AOC3: variants seen among roughly 807,000 people sequenced by gnomAD.
AOC3 encodes amine oxidase copper containing 3.
AOC3 carries 47 observed loss-of-function variants against 55.4 expected under a neutral mutation model. The ratio of observed to expected loss-of-function variants is 0.85; its 90% CI spans 0.67 to 1.08. The LOEUF (loss-of-function observed/expected upper bound fraction) is 1.08. AOC3 is among the 50% of genes least tolerant of loss of function. AOC3 has a pLI of 0.00. For missense variants in AOC3, 853 were observed against 993.1 expected, an observed-to-expected ratio of 0.86 and a Z score of 1.90; for synonymous variants, 386 against 410.7, an observed-to-expected ratio of 0.94 and a Z score of 0.73.
rs1437315395 is a variant in AOC3 at position 42,854,671 on chromosome 17, C to G, written c.1824C>G (p.Leu608=). The G allele has an allele frequency of 4.6e-6, 7 of 1,528,992 alleles. No individual in the cohort carries two copies. The highest frequency in any genetic ancestry group is 5.3e-6 in the Non-Finnish European group (6 of 1,132,578). The allele number at this position is 1,528,992 out of a possible 1,614,324, so 94.7% of individuals were successfully genotyped here. ...CCCGGGGCTACCGCATCCAGATGCT[C>G]AGCTTTGCTGGAGAGCCGCTGCCCC... The part of the protein sequence containing the change: ...GHPRGYRIQM[L]SFAGEPLPQN... The change falls in exon 2 of 4, where the codon CTC becomes CTG. Residue 608 remains leucine (L), a synonymous_variant. Transcript: ENST00000308423.
At chr17:42,854,400 G>T (rs764162327) in intron 1 of AOC3, 48 bp from the exon 2 acceptor site, 1 of 1,443,132 alleles carries the variant, frequency 6.9e-7, no homozygotes. Flanking sequence ...AGTCCAGAGG[G>T]GCCAGGGCAG....
Position 42,851,329 on chromosome 17 carries a change from C to T in AOC3, c.-15C>T, listed in dbSNP as rs777165915. On this transcript the variant is annotated 5_prime_UTR_variant, in exon 1 of 4. Coordinates refer to ENST00000308423, the MANE Select transcript of AOC3 (RefSeq NM_003734.4). ...CTCTCCTTTGGTTGAATCAGCTGTC[C>T]CTCTTCGTGGGAAAATGAACCAGAA... 1 of 1,577,826 alleles carries T rather than the reference C, an allele frequency of 6.3e-7. No individual in the cohort carries two copies. Among genetic ancestry groups the T allele is most frequent in the Non-Finnish European group, 8.6e-7 (1 of 1,160,422 alleles).
chr17:42,856,528 A>G lies in AOC3; in HGVS notation c.2270A>G (p.His757Arg). 6.2e-7 allele frequency: 1 copy of G among 1,604,124 alleles called. No individual in the cohort carries two copies. Among genetic ancestry groups the G allele is most frequent in the Non-Finnish European group, 8.5e-7 (1 of 1,173,966 alleles). ...ACAPDLPAFS[H>R]GGFSHN ...GCCCCCGACCTCCCTGCCTTCTCCCACGGGGGCTTCTCTCACAACTAGGCG... is the reference window on the plus strand; with the variant it reads ...GCCCCCGACCTCCCTGCCTTCTCCCGCGGGGGCTTCTCTCACAACTAGGCG... The change falls in exon 4 of 4, where the codon CAC (histidine) becomes CGC (arginine). Residue 757 changes from histidine to arginine, a missense_variant. By Grantham distance (29) the His-to-Arg change is conservative. Coordinates refer to ENST00000308423, the MANE Select transcript of AOC3 (RefSeq NM_003734.4).
rs1044810100 is a variant in AOC3, at chr17:42,856,660, ACT to A, written c.*115_*116del. On this transcript the variant is annotated 3_prime_UTR_variant, in exon 4 of 4. Transcript: ENST00000308423. ...CTGGTTCCCTCTTTCCTGTGCCAGG[ACT>A]CTCTTTCTTCCACTACCCTCCCTCG... 8 of 1,321,362 alleles carry A rather than the reference ACT, an allele frequency of 6.1e-6. No individual in the cohort carries two copies. The highest frequency in any genetic ancestry group is 1.5e-5 in the African/African-American group (1 of 67,810). The allele number at this position is 1,321,362 out of a possible 1,614,324, so 81.9% of individuals were successfully genotyped here.
chr17:42,856,446 G>A lies in AOC3; in HGVS notation c.2188G>A (p.Asp730Asn), dbSNP rs751304401. 6.8e-6 allele frequency: 11 copies of A among 1,613,922 alleles called. No homozygotes were observed. The highest frequency in any genetic ancestry group is 6.8e-6 in the Non-Finnish European group (8 of 1,179,936). The change falls in exon 4 of 4, where the codon GAT becomes AAT. Residue 730 changes from aspartate (D) to asparagine (N), a missense_variant. Coordinates refer to ENST00000308423, the MANE Select transcript of AOC3 (RefSeq NM_003734.4). ...CTCCATCTACTTCCGAGGGGACCAGGATGCTGGGGCCTGCGAGGTCAACCC... is the reference window on the plus strand; with the variant it reads ...CTCCATCTACTTCCGAGGGGACCAGAATGCTGGGGCCTGCGAGGTCAACCC... ...ADSIYFRGDQDAGACEVNPLA... is the reference protein window; with the variant it reads ...ADSIYFRGDQNAGACEVNPLA...
Position 42,856,721 on chromosome 17 carries a change from G to C in AOC3, c.*171G>C. 1 of 741,042 alleles carries C rather than the reference G, an allele frequency of 1.3e-6. No homozygotes were observed. Among genetic ancestry groups the C allele is most frequent in the Non-Finnish European group, 2.2e-6 (1 of 463,644 alleles). 45.9% of individuals were successfully genotyped at this position (741,042 alleles called of 1,614,324 possible). ...TCTGAGCCAGGAGCCTCCTGACCCT[G>C]TGATGCCTGACACAGGGGACACTGA... On this transcript the variant is annotated 3_prime_UTR_variant, in exon 4 of 4. Coordinates refer to ENST00000308423, the MANE Select transcript of AOC3 (RefSeq NM_003734.4).
chr17:42,852,442 G>A lies in AOC3; in HGVS notation c.1099G>A (p.Glu367Lys). ...ERLVYEISLQ[E>K]ALAIYGGNSP... is the part of the protein sequence containing the mutation. Reference sequence around the variant, plus strand: ...ACTAGTTTATGAGATAAGCCTCCAAGAGGCCTTGGCCATCTATGGTGGAAA... The same window carrying A: ...ACTAGTTTATGAGATAAGCCTCCAAAAGGCCTTGGCCATCTATGGTGGAAA... The change falls in exon 1 of 4, where the codon GAG (glutamate) becomes AAG (lysine). Residue 367 changes from glutamate (E) to lysine (K), a missense_variant. By Grantham distance (56) the Glu-to-Lys change is moderately conservative (BLOSUM62 1). Transcript: ENST00000308423. 1 of 1,614,196 alleles carries A rather than the reference G, an allele frequency of 6.2e-7. No individual in the cohort carries two copies. The highest frequency in any genetic ancestry group is 1.6e-4 in the Middle Eastern group (1 of 6,062).
At chr17:42,855,019 G>A (rs1360495902) in intron 2 of AOC3, among the ~76,000 whole-genome samples, 5 of 152,106 alleles carry the variant, frequency 3.3e-5, no homozygotes, top group African/African-American at 1.2e-4. Context: ...GCTAATTTTT[G>A]TATTTTTAGT....
Position 42,852,627 on chromosome 17 carries a change from C to G in AOC3, c.1284C>G (p.Ala428=), listed in dbSNP as rs1443416303. The G allele has an allele frequency of 1.2e-6, 2 of 1,614,216 alleles. No homozygotes were observed. Among genetic ancestry groups the G allele is most frequent in the South Asian group, 2.2e-5 (2 of 91,088 alleles). ...AGGCCCCCAAGACAATACGTGATGC[C>G]TTTTGTGTGTTTGAACAGAACCAGG... ...ESQAPKTIRD[A]FCVFEQNQGL... is the part of the protein sequence containing the mutation. Residue 428 remains alanine, a synonymous_variant, in exon 1 of 4, where the codon GCC becomes GCG. Coordinates refer to ENST00000308423, the MANE Select transcript of AOC3 (RefSeq NM_003734.4).
Position 42,852,575 on chromosome 17 carries a change from T to G in AOC3, c.1232T>G (p.Val411Gly), listed in dbSNP as rs763924559. 6.2e-7 allele frequency: 1 copy of G among 1,614,228 alleles called. No individual in the cohort carries two copies. Among genetic ancestry groups the G allele is most frequent in the Non-Finnish European group, 8.5e-7 (1 of 1,180,032 alleles). Residue 411 changes from valine to glycine, a missense_variant, in exon 1 of 4, where the codon GTG becomes GGG. Val to Gly is a moderately radical substitution (Grantham distance 109). Transcript: ENST00000308423. ...GACTGCCCCTACTTGGCCACCTACG[T>G]GGACTGGCACTTCCTTTTGGAGTCC... ...GVDCPYLATY[V>G]DWHFLLESQA... is the part of the protein sequence containing the mutation.
chr17:42,856,899 G>A lies in AOC3; in HGVS notation c.*349G>A. On this transcript the variant is annotated 3_prime_UTR_variant, in exon 4 of 4. Transcript: ENST00000308423. ...AGGCCACCTCCAAGGACTCTAAAAG[G>A]GGGCTATTCCCTGGAGACCCCAGAG... 1 of 305,326 alleles carries A rather than the reference G, an allele frequency of 3.3e-6. No homozygotes were observed. The highest frequency in any genetic ancestry group is 6.1e-6 in the Non-Finnish European group (1 of 163,062). The allele number at this position is 305,326 out of a possible 1,614,324, so 18.9% of individuals were successfully genotyped here. A position where few individuals can be genotyped will look rare whatever the true frequency, so the allele number is the denominator to read the frequency against.
At position 42,852,449 on chromosome 17, in the gene AOC3, T is replaced by G. The variant is rs751841875; in HGVS notation, c.1106T>G (p.Leu369Trp). The change falls in exon 1 of 4, where the codon TTG becomes TGG. Residue 369 changes from leucine to tryptophan, a missense_variant. By Grantham distance (61) the Leu-to-Trp change is moderately conservative. Transcript: ENST00000308423. Reference protein sequence around the residue: ...LVYEISLQEALAIYGGNSPAA... With the variant: ...LVYEISLQEAWAIYGGNSPAA... ...TATGAGATAAGCCTCCAAGAGGCCT[T>G]GGCCATCTATGGTGGAAATTCCCCA... 1 of 1,614,224 alleles carries G rather than the reference T, an allele frequency of 6.2e-7. No homozygotes were observed. Among genetic ancestry groups the G allele is most frequent in the East Asian group, 2.2e-5 (1 of 44,884 alleles).
chr17:42,851,491 C>G lies in AOC3; in HGVS notation c.148C>G (p.Pro50Ala). 6.2e-7 allele frequency: 1 copy of G among 1,614,220 alleles called. No individual in the cohort carries two copies. Among genetic ancestry groups the G allele is most frequent in the African/African-American group, 1.3e-5 (1 of 75,060 alleles). The change falls in exon 1 of 4, where the codon CCT (proline) becomes GCT (alanine). Residue 50 changes from proline (P) to alanine (A), a missense_variant. Transcript: ENST00000308423. Reference protein sequence around the residue: ...HCPSVSPSAQPWTHPGQSQLF... With the variant: ...HCPSVSPSAQAWTHPGQSQLF... ...CCCCTCTGTATCTCCCAGTGCCCAG[C>G]CTTGGACACACCCTGGCCAGAGCCA...
rs150463512 is a variant in AOC3, at chr17:42,854,617, C to T, written c.1770C>T (p.Ala590=). 91 of 1,592,112 alleles carry T rather than the reference C, an allele frequency of 5.7e-5. No individual in the cohort carries two copies. The highest frequency in any genetic ancestry group is 7.4e-5 in the Non-Finnish European group (86 of 1,167,634). Residue 590 remains alanine, a synonymous_variant, in exon 2 of 4, where the codon GCC becomes GCT. Coordinates refer to ENST00000308423, the MANE Select transcript of AOC3 (RefSeq NM_003734.4). The part of the protein sequence containing the change: ...GSATPRYLYL[A]SNHSNKWGHP... ...CCACCCCTCGCTACCTGTACCTGGC[C>T]AGCAACCACAGCAACAAGTGGGGTC...
At position 42,851,769 on chromosome 17, in the gene AOC3, G is replaced by C; in HGVS notation, c.426G>C (p.Val142=). 2.5e-6 allele frequency: 4 copies of C among 1,613,034 alleles called. No individual in the cohort carries two copies. Among genetic ancestry groups the C allele is most frequent in the East Asian group, 2.2e-5 (1 of 44,864 alleles). The change falls in exon 1 of 4, where the codon GTG becomes GTC. Residue 142 remains valine (V), a synonymous_variant. Coordinates refer to ENST00000308423, the MANE Select transcript of AOC3 (RefSeq NM_003734.4). ...RQPQPNVSEL[V]VGPLPHPSYM... ...CCCAGCCCAACGTGAGTGAGCTGGT[G>C]GTGGGGCCACTGCCTCACCCCTCCT...
Position 42,856,486 on chromosome 17 carries a change from C to T in AOC3, c.2228C>T (p.Pro743Leu). ...ACEVNPLACL[P>L]QAAACAPDLP... ...GAGGTCAACCCCCTAGCTTGCCTGC[C>T]CCAGGCTGCTGCCTGTGCCCCCGAC... Residue 743 changes from proline (P) to leucine (L), a missense_variant, in exon 4 of 4, where the codon CCC (proline) becomes CTC (leucine). By Grantham distance (98) the Pro-to-Leu change is moderately conservative. Transcript: ENST00000308423. 6.2e-7 allele frequency: 1 copy of T among 1,610,914 alleles called. No homozygotes were observed. Among genetic ancestry groups the T allele is most frequent in the Non-Finnish European group, 8.5e-7 (1 of 1,177,712 alleles).
At position 42,852,722 on chromosome 17, in the gene AOC3, T is replaced by TG. The variant is rs767179590; in HGVS notation, c.1381dup (p.Val461GlyfsTer12). ...TTTGGGGGTCTTGCGGAAACGGTGCTGGTCGTCAGATCTATGTCCACCTTG... is the reference window on the plus strand; with the variant it reads ...TTTGGGGGTCTTGCGGAAACGGTGCTGGGTCGTCAGATCTATGTCCACCTTG... On this transcript the variant is annotated frameshift_variant, in exon 1 of 4. Transcript: ENST00000308423. LOFTEE classifies it high-confidence loss of function. 6.2e-7 allele frequency: 1 copy of TG among 1,614,254 alleles called. No individual in the cohort carries two copies. Among genetic ancestry groups the TG allele is most frequent in the Non-Finnish European group, 8.5e-7 (1 of 1,180,050 alleles).
intron 3 of AOC3, 61 bp from the exon 4 acceptor site, chr17:42,856,214 C>T (rs2055745605): frequency 3.2e-6 from 5 of 1,582,786 alleles, no homozygotes; most frequent in Non-Finnish European, 4.3e-6. Context: ...AGCTGAATCC[C>T]TACCAGGGCA....
Position 42,852,599 on chromosome 17 carries a change from C to G in AOC3, c.1256C>G (p.Ser419Cys), listed in dbSNP as rs765878171. ...TYVDWHFLLE[S>C]QAPKTIRDAF... ...GTGGACTGGCACTTCCTTTTGGAGT[C>G]CCAGGCCCCCAAGACAATACGTGAT... The change falls in exon 1 of 4, where the codon TCC (serine) becomes TGC (cysteine). Residue 419 changes from serine (S) to cysteine (C), a missense_variant. Transcript: ENST00000308423. 6.2e-7 allele frequency: 1 copy of G among 1,614,184 alleles called. No homozygotes were observed. Among genetic ancestry groups the G allele is most frequent in the Non-Finnish European group, 8.5e-7 (1 of 1,180,038 alleles).
Sources: allele counts gnomAD v4.1 joint callset (sites outside exome capture counted in the v4.1 genomes callset), GRCh38; gene constraint gnomAD v4.1.1; transcripts MANE v1.5; gene names NCBI Gene and HGNC (gene_info 2026-07-23, HGNC 2026-07-21).